The following CAD variants were observed in gnomAD, a reference collection of about 807,000 sequenced individuals.
The protein encoded by CAD is carbamoyl-phosphate synthetase 2, aspartate transcarbamylase, and dihydroorotase.
CAD carries 81 observed loss-of-function variants against 237.2 expected under a neutral mutation model. That is an observed-to-expected ratio of 0.34 (90% CI 0.29 to 0.41). CAD has a LOEUF of 0.41. CAD is among the 10% of genes least tolerant of loss of function. The pLI, the probability that CAD is intolerant of heterozygous loss-of-function variation, is 1.00. For missense variants in CAD, 2,181 were observed against 2,951.7 expected (o/e 0.74, Z 6.05); for synonymous variants, 1,196 against 1,162.8 (o/e 1.03, Z -0.58).
In CAD at chr2:27,239,498, C is replaced by T; in HGVS notation, c.5394+27C>T. The T allele has an allele frequency of 1.2e-6, 2 of 1,608,514 alleles. No individual in the cohort carries two copies. On this transcript the variant is annotated intron_variant, in intron 33 of 43. Transcript: ENST00000264705. This position sits in a 1 kb window ranked among gnomAD's most constrained non-coding sequence, Gnocchi z 4.0. ...TACGCAAGTAGCCCCTGCCTGATCT[C>T]AGTAGTGCCCTCTTCTGCACCACGT... is the stretch of plus-strand genomic sequence containing the variant.
Position 27,237,790 on chromosome 2 carries a change from G to A in CAD, c.4636G>A (p.Gly1546Ser), listed in dbSNP as rs770023082. ...GASSENAGTL[G>S]TVAGSAAGLK... ...CTCGTCTGAAAATGCAGGAACCTTG[G>A]GCACCGTGGCCGGGTCTGCAGCCGG... The change falls in exon 29 of 44, where the codon GGC becomes AGC. Residue 1546 changes from glycine to serine, a missense_variant. Physicochemically the swap from Gly to Ser is moderately conservative, Grantham distance 56. Around this residue, in one of 12 missense-constraint regions of CAD, gnomAD observed 478 missense variants for 515.0 expected, o/e 0.93. Coordinates refer to ENST00000264705, the MANE Select transcript of CAD (RefSeq NM_004341.5). The surrounding 1 kb of genome is among the most constrained non-coding windows in gnomAD (Gnocchi z 4.0). The A allele has an allele frequency of 1.2e-6, 2 of 1,614,254 alleles. No individual in the cohort carries two copies. Among genetic ancestry groups the A allele is most frequent in the Non-Finnish European group, 1.7e-6 (2 of 1,180,054 alleles).
chr2:27,238,499 G>T lies in CAD; in HGVS notation c.4929G>T (p.Leu1643=), dbSNP rs529547258. 5 of 1,612,916 alleles carry T rather than the reference G, an allele frequency of 3.1e-6. No homozygotes were observed. The African/African-American group carries it at 4.0e-5, about 13-fold the overall frequency. The part of the protein sequence containing the change: ...PVTCEVAPHH[L]FLSHDDLERL... ...CCTGCGAGGTGGCTCCCCACCACCTGTTCCTAAGCCATGATGACCTGGAGC... is the reference window on the plus strand; with the variant it reads ...CCTGCGAGGTGGCTCCCCACCACCTTTTCCTAAGCCATGATGACCTGGAGC... Residue 1643 remains leucine, a synonymous_variant, in exon 31 of 44, where the codon CTG becomes CTT. Coordinates refer to ENST00000264705, the MANE Select transcript of CAD (RefSeq NM_004341.5).
chr2:27,220,166 T>C (rs1675085423), intron 2 of CAD, among the ~76,000 whole-genome samples: 1 of 152,208 alleles, frequency 6.6e-6, no homozygotes, highest in Admixed American at 6.5e-5. Flanking sequence ...AATGTCTGAC[T>C]GACACCATGT....
In CAD at chr2:27,232,232, G is replaced by A. The variant is rs746124868; in HGVS notation, c.2645+8G>A. 1 of 1,613,296 alleles carries A rather than the reference G, an allele frequency of 6.2e-7. No individual in the cohort carries two copies. The highest frequency in any genetic ancestry group is 1.1e-5 in the South Asian group (1 of 91,074). On this transcript the variant is annotated splice_region_variant and intron_variant, in intron 17 of 43. Transcript: ENST00000264705. This position sits in a 1 kb window ranked among gnomAD's most constrained non-coding sequence, Gnocchi z 4.1. ...TGCCCTTGCAGTTCTGAGGTCAGAG[G>A]TGGCAATGAGAGCTTCCGGCTGGGA...
At chr2:27,220,230 A>G (rs1241275953) in intron 2 of CAD, among the ~76,000 whole-genome samples, 1 of 152,198 alleles carries the variant, frequency 6.6e-6, no homozygotes, top group East Asian at 1.9e-4. Context: ...CATATTCATC[A>G]TATGACGTAA....
rs1275438181 is a variant in CAD, at chr2:27,232,273, C to G, written c.2645+49C>G. On this transcript the variant is annotated intron_variant, in intron 17 of 43. Coordinates refer to ENST00000264705, the MANE Select transcript of CAD (RefSeq NM_004341.5). This position sits in a 1 kb window ranked among gnomAD's most constrained non-coding sequence, Gnocchi z 4.1. ...CCGGCTGGGAAATGTGGGGCAGAAC[C>G]TTTGTATCAGTGAGGGACCCTTGGG... 3 of 1,606,686 alleles carry G rather than the reference C, an allele frequency of 1.9e-6. No homozygotes were observed.
rs1004680271 is a variant in CAD at position 27,217,439 on chromosome 2, C to G, written c.-113C>G. The G allele has an allele frequency of 9.7e-6, 9 of 927,096 alleles. No homozygotes were observed. The highest frequency in any genetic ancestry group is 1.7e-5 in the African/African-American group (1 of 60,044). The allele number at this position is 927,096 out of a possible 1,614,324, so 57.4% of individuals were successfully genotyped here. On this transcript the variant is annotated 5_prime_UTR_variant, in exon 1 of 44. Transcript: ENST00000264705. ...CGCGCCCGGCTTCTCTCCAGCGCCC[C>G]GCGCCGTTAGCCACGTGGACCGACT...
chr2:27,223,644 T>C lies in CAD; in HGVS notation c.891T>C (p.Phe297=). The change falls in exon 7 of 44, where the codon TTT becomes TTC. Residue 297 remains phenylalanine (F), a synonymous_variant. Coordinates refer to ENST00000264705, the MANE Select transcript of CAD (RefSeq NM_004341.5). ...RCFLTSQNHG[F]AVETDSLPAD... ...TTCTGACATCCCAGAACCATGGGTT[T>C]GCTGTGGAGACAGACTCACTGCCAG... 1 of 1,614,138 alleles carries C rather than the reference T, an allele frequency of 6.2e-7. No homozygotes were observed. Among genetic ancestry groups the C allele is most frequent in the Non-Finnish European group, 8.5e-7 (1 of 1,180,026 alleles).
Position 27,243,577 on chromosome 2 carries a change from G to A in CAD, c.*59G>A. On this transcript the variant is annotated 3_prime_UTR_variant, in exon 44 of 44. Coordinates refer to ENST00000264705, the MANE Select transcript of CAD (RefSeq NM_004341.5). The stretch of plus-strand genomic sequence containing the variant: ...CAGCTGCTGGGCAAGGAATTCCAGT[G>A]CCTCCTACGGGGGCAGCACACTTAG... The A allele has an allele frequency of 7.9e-7, 1 of 1,273,194 alleles. No individual in the cohort carries two copies. Among genetic ancestry groups the A allele is most frequent in the African/African-American group, 1.5e-5 (1 of 68,040 alleles). The allele number at this position is 1,273,194 out of a possible 1,614,324, so 78.9% of individuals were successfully genotyped here.
In CAD at chr2:27,224,742, T is replaced by C; in HGVS notation, c.1255-3T>C. Reference sequence around the variant, plus strand: ...GGCTGAGATGCCATTCTTGTCCTTTTAGGCAATTAAGGCCCTGAAGGAGGA... The same window carrying C: ...GGCTGAGATGCCATTCTTGTCCTTTCAGGCAATTAAGGCCCTGAAGGAGGA... On this transcript the variant is annotated splice_region_variant and splice_polypyrimidine_tract_variant and intron_variant, in intron 9 of 43. Transcript: ENST00000264705. 1 of 1,614,258 alleles carries C rather than the reference T, an allele frequency of 6.2e-7. No individual in the cohort carries two copies. Among genetic ancestry groups the C allele is most frequent in the Non-Finnish European group, 8.5e-7 (1 of 1,180,036 alleles).
intron 8 of CAD, 116 bp from the exon 9 acceptor site, chr2:27,224,229 C>A: frequency 8.7e-7 from 1 of 1,152,084 alleles, no homozygotes; most frequent in Non-Finnish European, 1.3e-6. Flanking sequence ...CCTCCCTCTG[C>A]TCCTCCTGAG....
At position 27,225,554 on chromosome 2, in the gene CAD, C is replaced by A. The variant is rs903650784; in HGVS notation, c.1621-151C>A. The stretch of plus-strand genomic sequence containing the variant: ...CTCCTGACCTCAGGTGATCCACCCC[C>A]CCGACCCTCGGCCTCCCAAATTGCT... On this transcript the variant is annotated intron_variant, in intron 11 of 43. Transcript: ENST00000264705. The A allele has an allele frequency of 6.0e-5, 38 of 636,682 alleles. 1 individual carries two copies. The South Asian group carries it at 7.0e-4, about 12-fold the overall frequency. 39.4% of individuals were successfully genotyped at this position (636,682 alleles called of 1,614,324 possible). A position where few individuals can be genotyped will look rare whatever the true frequency, so the allele number is the denominator to read the frequency against.
Position 27,224,733 on chromosome 2 carries a change from T to C in CAD, c.1255-12T>C. The C allele has an allele frequency of 6.2e-7, 1 of 1,614,228 alleles. No individual in the cohort carries two copies. The highest frequency in any genetic ancestry group is 8.5e-7 in the Non-Finnish European group (1 of 1,180,036). On this transcript the variant is annotated splice_polypyrimidine_tract_variant and intron_variant, in intron 9 of 43. Transcript: ENST00000264705. ...TTCAGCAGAGGCTGAGATGCCATTC[T>C]TGTCCTTTTAGGCAATTAAGGCCCT...
rs779983268 is a variant in CAD, at chr2:27,242,761, C to T, written c.6364C>T (p.Arg2122Cys). 7 of 1,614,078 alleles carry T rather than the reference C, an allele frequency of 4.3e-6. No homozygotes were observed. Among genetic ancestry groups the T allele is most frequent in the South Asian group, 3.3e-5 (3 of 91,094 alleles). Residue 2122 changes from arginine (R) to cysteine (C), a missense_variant, in exon 41 of 44, where the codon CGC becomes TGC. Physicochemically the swap from Arg to Cys is radical, Grantham distance 180. Transcript: ENST00000264705. This position sits in a 1 kb window ranked among gnomAD's most constrained non-coding sequence, Gnocchi z 6.4. ...CACTGTGCGGGCCTTCGTGGCCTCC[C>T]GCGGCACCAAGCAGGTGAGACCCTC... The part of the protein sequence containing the change: ...PPTVRAFVAS[R>C]GTKQEEFESI...
At chr2:27,218,460 G>A (rs1312519167) in intron 2 of CAD, among the ~76,000 whole-genome samples, 6 of 152,122 alleles carry the variant, frequency 3.9e-5, no homozygotes, top group Non-Finnish European at 5.9e-5. Context: ...ATCCATTGAA[G>A]GTTTTTTTTT....
At position 27,224,771 on chromosome 2, in the gene CAD, C is replaced by T. The variant is rs200806293; in HGVS notation, c.1281C>T (p.Asn427=). The change falls in exon 10 of 44, where the codon AAC becomes AAT. Residue 427 remains asparagine, a synonymous_variant. Coordinates refer to ENST00000264705, the MANE Select transcript of CAD (RefSeq NM_004341.5). The part of the protein sequence containing the change: ...SQAIKALKEE[N]IQTLLINPNI... The stretch of plus-strand genomic sequence containing the variant: ...CAATTAAGGCCCTGAAGGAGGAAAA[C>T]ATCCAGACGTTGCTGATCAACCCCA... The T allele has an allele frequency of 2.4e-5, 38 of 1,614,192 alleles. No homozygotes were observed. Among genetic ancestry groups the T allele is most frequent in the Non-Finnish European group, 3.2e-5 (38 of 1,180,018 alleles).
Position 27,221,045 on chromosome 2 carries a change from A to G in CAD, c.223-173A>G, listed in dbSNP as rs375710552. Among the ~76,000 whole-genome samples the G allele has an allele frequency of 6.6e-5, 10 of 152,344 alleles. No individual in the cohort carries two copies. The East Asian group carries it at 7.7e-4, about 12-fold the overall frequency. On this transcript the variant is annotated intron_variant, in intron 2 of 43. Coordinates refer to ENST00000264705, the MANE Select transcript of CAD (RefSeq NM_004341.5). ...CCTGGGCCTGTGGGTTGTGTTTCGT[A>G]TAGGAGAGAGCGTTGTTGGTAAATG...
At position 27,233,112 on chromosome 2, in the gene CAD, G is replaced by T; in HGVS notation, c.2963G>T (p.Arg988Leu). 2 of 1,613,372 alleles carry T rather than the reference G, an allele frequency of 1.2e-6. No individual in the cohort carries two copies. Among genetic ancestry groups the T allele is most frequent in the South Asian group, 2.2e-5 (2 of 91,026 alleles). ...TVSTDYDMCD[R>L]LYFDEISFEV... ...AGCACCGACTATGACATGTGTGATC[G>T]ACTCTACTTTGATGAGATCTCTTTT... The change falls in exon 19 of 44, where the codon CGA becomes CTA. Residue 988 changes from arginine to leucine, a missense_variant. Physicochemically the swap from Arg to Leu is moderately radical, Grantham distance 102 (BLOSUM62 -2). Transcript: ENST00000264705. This position sits in a 1 kb window ranked among gnomAD's most constrained non-coding sequence, Gnocchi z 6.3.
Position 27,243,194 on chromosome 2 carries a change from G to T in CAD, c.6481-4G>T, listed in dbSNP as rs200274106. ...CACTAATGGGGACCCCATCTGCTTTGCAGTGCTTTGGTCAGTTCATCCTCA... is the reference window on the plus strand; with the variant it reads ...CACTAATGGGGACCCCATCTGCTTTTCAGTGCTTTGGTCAGTTCATCCTCA... On this transcript the variant is annotated splice_region_variant and splice_polypyrimidine_tract_variant and intron_variant, in intron 42 of 43. Transcript: ENST00000264705. 1.9e-6 allele frequency: 3 copies of T among 1,613,956 alleles called. No homozygotes were observed. Among genetic ancestry groups the T allele is most frequent in the East Asian group, 4.5e-5 (2 of 44,864 alleles).
Sources: allele counts gnomAD v4.1 joint callset (sites outside exome capture counted in the v4.1 genomes callset), GRCh38; gene constraint gnomAD v4.1.1; regional missense constraint gnomAD v4.1.1; non-coding constraint Gnocchi (gnomAD v3.1); transcripts MANE v1.5; gene names NCBI Gene and HGNC (gene_info 2026-07-23, HGNC 2026-07-21).